The following SLC8A1 variants were observed in gnomAD, a reference collection of about 807,000 sequenced individuals.
SLC8A1 encodes solute carrier family 8 member A1, also known as sodium/calcium exchanger 1.
A neutral mutation model predicts 68.3 loss-of-function variants in SLC8A1; 18 were observed. That is an observed-to-expected ratio of 0.26 (90% CI 0.18 to 0.39). The LOEUF (loss-of-function observed/expected upper bound fraction) is 0.39, where lower values mean the gene tolerates loss of function less well. SLC8A1 is among the 10% of genes least tolerant of loss of function. The pLI is 1.00. For missense variants in SLC8A1, 985 were observed against 1,156.7 expected (o/e 0.85, Z 2.15); for synonymous variants, 475 against 415.5 (o/e 1.14, Z -1.74).
At chr2:40,498,820 AT>A (rs546212421) in intron 1 of SLC8A1, among the ~76,000 whole-genome samples, 13 of 152,234 alleles carry the variant, frequency 8.5e-5, no homozygotes, top group Admixed American at 8.5e-4. Flanking sequence ...TTTAGAATCC[AT>A]AAAAATCTTA....
intron 1 of SLC8A1, among the ~76,000 whole-genome samples, chr2:40,442,739 CA>C (rs1484823846): frequency 1.3e-5 from 2 of 152,160 alleles, no homozygotes; most frequent in Non-Finnish European, 2.9e-5. Context: ...TTTGACCTAG[CA>C]ATCCCATTAC....
At chr2:40,225,330 A>C (rs1429888522) in intron 2 of SLC8A1, among the ~76,000 whole-genome samples, 2 of 152,198 alleles carry the variant, frequency 1.3e-5, no homozygotes, top group Non-Finnish European at 2.9e-5. Flanking sequence ...TTTAATTTGA[A>C]TATTCAATAA....
Position 40,174,724 on chromosome 2 carries a change from C to A in SLC8A1, c.1930+101G>T, listed in dbSNP as rs2048166338. The A allele has an allele frequency of 6.5e-7, 1 of 1,544,822 alleles. No individual in the cohort carries two copies. The highest frequency in any genetic ancestry group is 1.2e-5 in the South Asian group (1 of 86,398). On this transcript the variant is annotated intron_variant, in intron 4 of 7. Coordinates refer to ENST00000406785, the Ensembl canonical transcript of SLC8A1. ...GTCTTACCAAACAGGTATTTTCCTT[C>A]ATTAAAAGCAAATAAAAATGAGAAA...
At position 40,350,805 on chromosome 2, in the gene SLC8A1, C is replaced by A. The variant is rs989962339; in HGVS notation, c.1808+77668G>T. 1.1e-4 allele frequency among the ~76,000 whole-genome samples: 17 copies of A among 151,934 alleles called. No homozygotes were observed. The South Asian group carries it at 1.5e-3, about 13-fold the overall frequency. ...CCATTTTTTGAGTGCCTAGAATGAG[C>A]CAGAATGTGTAGTAGGCACTCTATA... is the stretch of plus-strand genomic sequence containing the variant. On this transcript the variant is annotated intron_variant, in intron 2 of 7. Transcript: ENST00000406785.
At chr2:40,353,125 G>A (rs1293593095) in intron 2 of SLC8A1, among the ~76,000 whole-genome samples, 1 of 152,082 alleles carries the variant, frequency 6.6e-6, no homozygotes, top group Admixed American at 6.6e-5. Context: ...GAAATTACTT[G>A]GGAATCAAAG....
chr2:40,341,497 C>T (rs542287390), intron 2 of SLC8A1, among the ~76,000 whole-genome samples: 2 of 152,276 alleles, frequency 1.3e-5, no homozygotes, highest in East Asian at 3.9e-4. Context: ...AGAGTTCCTT[C>T]TGTGGCTTTG....
At chr2:40,326,357 T>A (rs148936361) in intron 2 of SLC8A1, among the ~76,000 whole-genome samples, 5 of 151,942 alleles carry the variant, frequency 3.3e-5, no homozygotes, top group African/African-American at 1.2e-4. Flanking sequence ...CACCTCATAA[T>A]ATAGATTAGA....
At chr2:40,282,496 G>A (rs2067672068) in intron 2 of SLC8A1, among the ~76,000 whole-genome samples, 1 of 152,026 alleles carries the variant, frequency 6.6e-6, no homozygotes, top group South Asian at 2.1e-4. Context: ...ACGCACTCAG[G>A]CATATACAGA....
chr2:40,156,732 T>A (rs2044592755), intron 6 of SLC8A1, among the ~76,000 whole-genome samples: 1 of 152,208 alleles, frequency 6.6e-6, no homozygotes, highest in Admixed American at 6.5e-5. Context: ...AACAAATATC[T>A]ACTATATAAT....
At chr2:40,176,527 GC>G (rs1022336028) in intron 3 of SLC8A1, among the ~76,000 whole-genome samples, 1 of 151,980 alleles carries the variant, frequency 6.6e-6, no homozygotes, top group African/African-American at 2.4e-5. Context: ...TATTAAATAG[GC>G]TTCATTAAAA....
At chr2:40,452,157 C>T (rs1158584792), upstream of SLC8A1, 1 of 106 alleles carries the variant, frequency 9.4e-3, no homozygotes, top group East Asian at 0.5. Flanking sequence ...GGCCGGGGCC[C>T]GGGCGCGCGC....
chr2:40,412,879 G>C (rs901065225), intron 2 of SLC8A1, among the ~76,000 whole-genome samples: 1 of 152,062 alleles, frequency 6.6e-6, no homozygotes, highest in Non-Finnish European at 1.5e-5. Context: ...GTGTAATCTA[G>C]GTATTTTTTC....
intron 2 of SLC8A1, among the ~76,000 whole-genome samples, chr2:40,301,802 A>C (rs1575193661): frequency 6.6e-6 from 1 of 152,046 alleles, no homozygotes; most frequent in East Asian, 1.9e-4. Context: ...TTCATGAGTA[A>C]GTTCTTTAGT....
At chr2:40,335,056 G>T (rs553734012) in intron 2 of SLC8A1, among the ~76,000 whole-genome samples, 14 of 152,116 alleles carry the variant, frequency 9.2e-5, no homozygotes, top group Non-Finnish European at 1.8e-4. Flanking sequence ...GGTCATTAGT[G>T]CTCCCATTTT....
At chr2:40,408,259 A>G (rs962075035) in intron 2 of SLC8A1, among the ~76,000 whole-genome samples, 8 of 152,156 alleles carry the variant, frequency 5.3e-5, no homozygotes, top group Admixed American at 1.3e-4. Flanking sequence ...CTAAACTTAT[A>G]CCTTCAAAAG....
chr2:40,111,338 G>C (rs886499996), exon 8 of SLC8A1: 1 of 152,036 alleles, frequency 6.6e-6, no homozygotes, highest in Non-Finnish European at 1.5e-5. Flanking sequence ...AATAGAGGTT[G>C]GCTGCTCATT....
chr2:40,348,526 A>C (rs1475355124), intron 2 of SLC8A1, among the ~76,000 whole-genome samples: 1 of 152,246 alleles, frequency 6.6e-6, no homozygotes, highest in Non-Finnish European at 1.5e-5. Flanking sequence ...AAATCTGCGC[A>C]AGAAACATAT....
chr2:40,211,320 G>C (rs866550381), intron 2 of SLC8A1, among the ~76,000 whole-genome samples: 10 of 152,150 alleles, frequency 6.6e-5, no homozygotes, highest in African/African-American at 1.9e-4. Flanking sequence ...TTTAGTTTTT[G>C]ACATTTTATT....
intron 1 of SLC8A1, among the ~76,000 whole-genome samples, chr2:40,433,200 C>A (rs1397865291): frequency 2.6e-5 from 4 of 152,108 alleles, no homozygotes; most frequent in Non-Finnish European, 5.9e-5. Context: ...TTCCCACTTC[C>A]CTGAGGACAA....
Sources: gnomAD v4.1 joint callset for allele counts (sites outside exome capture counted in the v4.1 genomes callset) on GRCh38, gnomAD v4.1.1 for gene constraint, MANE v1.5 for transcripts, NCBI Gene and HGNC (gene_info 2026-07-23, HGNC 2026-07-21) for gene names.